RNF6: variants seen among roughly 807,000 people sequenced by gnomAD.
RNF6 encodes the protein ring finger protein 6, also known as E3 ubiquitin-protein ligase RNF6.
In RNF6, 21 loss-of-function variants were observed where a neutral mutation model predicts 50.1. The observed-to-expected ratio is 0.42, with a 90% CI of 0.30 to 0.60. The LOEUF is 0.60. Among genes scored for constraint, RNF6 ranks in the 20% least tolerant of loss-of-function variants. RNF6 has a pLI of 0.20. For synonymous variants in RNF6, 255 were observed against 291.8 expected, an observed-to-expected ratio of 0.87 and a Z score of 1.29; for missense variants, 698 against 838.2, an observed-to-expected ratio of 0.83 and a Z score of 2.07.
At chr13:26,197,671 T>A (rs1457444000) in intron 5 of RNF6, among the ~76,000 whole-genome samples, 1 of 152,004 alleles carries the variant, frequency 6.6e-6, no homozygotes, top group Non-Finnish European at 1.5e-5. Context: ...TTTTCTCTAC[T>A]GCAATAGTTA....
At chr13:26,174,506 A>T (rs886456590) in intron 5 of RNF6, among the ~76,000 whole-genome samples, 1 of 151,248 alleles carries the variant, frequency 6.6e-6, no homozygotes, top group African/African-American at 2.4e-5. Context: ...CAAAAAAAAA[A>T]TTAGCTGAGC....
At chr13:26,160,796 G>T (rs1353075842) in intron 5 of RNF6, among the ~76,000 whole-genome samples, 2 of 152,142 alleles carry the variant, frequency 1.3e-5, no homozygotes, top group Admixed American at 6.5e-5. Flanking sequence ...TCCTTCTGAA[G>T]CTTCTCTCCT....
intron 5 of RNF6, among the ~76,000 whole-genome samples, chr13:26,194,978 T>C (rs9507683): frequency 0.52 from 79,715 of 152,040 alleles, 22,937 homozygotes; most frequent in East Asian, 0.7. Context: ...CTCACAGATG[T>C]ACCTAGGATC....
downstream of RNF6, among the ~76,000 whole-genome samples, chr13:26,211,114 G>A (rs1028343683): frequency 2.0e-4 from 31 of 152,294 alleles, no homozygotes; most frequent in African/African-American, 7.2e-4. Context: ...AGATTAATGG[G>A]CCTTTGTATT....
Position 26,214,756 on chromosome 13 carries a change from T to C in RNF6, c.1126A>G (p.Ile376Val). 6.2e-7 allele frequency: 1 copy of C among 1,614,234 alleles called. No individual in the cohort carries two copies. ...GATTCTTCTCCTTCTTCTACTGTTA[T>C]TCTTGACACAAGCCTTGAATTAGAG... ...PFSNSRLVSR[I>V]TVEEGEESSR... Residue 376 changes from isoleucine to valine, a missense_variant, in exon 5 of 5, where the codon ATA (isoleucine) becomes GTA (valine). By Grantham distance (29) the Ile-to-Val change is conservative. Transcript: ENST00000381588.
intron 5 of RNF6, among the ~76,000 whole-genome samples, chr13:26,137,050 A>T (rs1265966228): frequency 2.0e-5 from 3 of 152,168 alleles, no homozygotes; most frequent in East Asian, 3.9e-4. Flanking sequence ...TGAGGAAGCT[A>T]AACAAAGCTA....
In RNF6 at chr13:26,214,086, T is replaced by C. The variant is rs1869544979; in HGVS notation, c.1796A>G (p.Asp599Gly). The C allele has an allele frequency of 6.2e-7, 1 of 1,614,130 alleles. No individual in the cohort carries two copies. The highest frequency in any genetic ancestry group is 8.5e-7 in the Non-Finnish European group (1 of 1,180,056). Residue 599 changes from aspartate (D) to glycine (G), a missense_variant, in exon 5 of 5, where the codon GAT (aspartate) becomes GGT (glycine). Coordinates refer to ENST00000381588, the MANE Select transcript of RNF6 (RefSeq NM_005977.4). The stretch of plus-strand genomic sequence containing the variant: ...GGTTAAACCACGTATTCGATCATCA[T>C]CATCACTTTCATTTAGTAAAAAAAA... The part of the protein sequence containing the change: ...AHFFLLNESD[D>G]DDRIRGLTKE...
chr13:26,142,946 A>G (rs1256325437), intron 5 of RNF6, among the ~76,000 whole-genome samples: 3 of 152,182 alleles, frequency 2.0e-5, no homozygotes, highest in East Asian at 1.9e-4. Context: ...AAAACAATAC[A>G]CACACACACA....
intron 5 of RNF6, among the ~76,000 whole-genome samples, chr13:26,142,956 A>T (rs1020432750): frequency 2.0e-5 from 3 of 152,184 alleles, no homozygotes; most frequent in African/African-American, 7.2e-5. Flanking sequence ...ACACACACAC[A>T]TACACACACA....
chr13:26,191,440 T>C (rs144477041), intron 5 of RNF6, among the ~76,000 whole-genome samples: 5 of 152,298 alleles, frequency 3.3e-5, no homozygotes, highest in Non-Finnish European at 5.9e-5. Context: ...TTATTTGATA[T>C]GGTTTGGCTC....
chr13:26,175,374 C>A (rs1872906842), intron 5 of RNF6, among the ~76,000 whole-genome samples: 2 of 152,202 alleles, frequency 1.3e-5, no homozygotes, highest in Admixed American at 1.3e-4. Flanking sequence ...AGCCACTGCA[C>A]CCAGCCTCAG....
At position 26,175,622 on chromosome 13, in the gene RNF6, C is replaced by A. The variant is rs540872118; in HGVS notation, n.768+39852G>T. Among the ~76,000 whole-genome samples, 6 of 152,218 alleles carry A rather than the reference C, an allele frequency of 3.9e-5. No individual in the cohort carries two copies. In the East Asian group the frequency reaches 1.2e-3, roughly 30 times the overall value. On this transcript the variant is annotated intron_variant and non_coding_transcript_variant, in intron 5 of 5. Coordinates refer to the RNF6 transcript ENST00000468480. ...ACTAAGCAATTGATTGCAGAGGCAC[C>A]GTGGTGCAGGCCAAGAGCTGCCTGA...
chr13:26,168,839 C>CA (rs1046633748), intron 5 of RNF6, among the ~76,000 whole-genome samples: 1 of 152,160 alleles, frequency 6.6e-6, no homozygotes, highest in Non-Finnish European at 1.5e-5. Context: ...CCTATCTCTA[C>CA]AAAAAATTTA....
exon 6 of RNF6, chr13:26,132,163 C>A: frequency 4.7e-6 from 1 of 213,488 alleles, no homozygotes; most frequent in South Asian, 7.3e-5. Context: ...TATTGCATTA[C>A]AATAAATTAC....
chr13:26,221,112 G>A (rs1870441238), intron 2 of RNF6, 136 bp downstream of exon 2: 1 of 152,054 alleles, frequency 6.6e-6, no homozygotes, highest in Admixed American at 6.5e-5. Context: ...AGCAATAATA[G>A]GATTTTTGTA....
chr13:26,142,599 T>A (rs923583818), intron 5 of RNF6, among the ~76,000 whole-genome samples: 5 of 152,156 alleles, frequency 3.3e-5, no homozygotes, highest in African/African-American at 1.2e-4. Context: ...GAGGCCATTA[T>A]CCTAAGCAAA....
At chr13:26,199,808 A>C (rs1868825951) in intron 5 of RNF6, among the ~76,000 whole-genome samples, 1 of 152,222 alleles carries the variant, frequency 6.6e-6, no homozygotes, top group South Asian at 2.1e-4. Flanking sequence ...GATAACTCTT[A>C]TGGGTTAAAT....
rs57373126 is a variant in RNF6, at chr13:26,148,632, T to TTATATATATATATA, written n.769-16195_769-16182dup. 8.6e-3 allele frequency among the ~76,000 whole-genome samples: 404 copies of TTATATATATATATA among 46,966 alleles called. 14 individuals carry two copies. The highest frequency in any genetic ancestry group is 1.0e-2 in the Non-Finnish European group (268 of 26,854). The allele number at this position is 46,966 out of a possible 152,430, so 30.8% of individuals were successfully genotyped here. A position where few individuals can be genotyped will look rare whatever the true frequency, so the allele number is the denominator to read the frequency against. The stretch of plus-strand genomic sequence containing the variant: ...AATAGAAACAATAGTATAAATCTCT[T>TTATATATATATATA]TATATATATATATATATATATATAT... On this transcript the variant is annotated intron_variant and non_coding_transcript_variant, in intron 5 of 5. Transcript: ENST00000468480.
chr13:26,168,680 A>G (rs1481955985), intron 5 of RNF6, among the ~76,000 whole-genome samples: 1 of 152,224 alleles, frequency 6.6e-6, no homozygotes, highest in African/African-American at 2.4e-5. Flanking sequence ...TAGATCCTGC[A>G]GCAAGAAGGC....
Sources: gnomAD v4.1 joint callset for allele counts (sites outside exome capture counted in the v4.1 genomes callset) on GRCh38, gnomAD v4.1.1 for gene constraint, MANE v1.5 for transcripts, NCBI Gene and HGNC (gene_info 2026-07-23, HGNC 2026-07-21) for gene names.